The following ALPK2 variants were observed in gnomAD, a reference collection of about 807,000 sequenced individuals.
The protein encoded by ALPK2 is alpha-protein kinase 2.
A neutral mutation model predicts 163.1 loss-of-function variants in ALPK2; 127 were observed. The ratio of observed to expected loss-of-function variants is 0.78; its 90% CI spans 0.67 to 0.90. The LOEUF is 0.90. Among genes scored for constraint, ALPK2 ranks in the 40% least tolerant of loss-of-function variants. ALPK2 has a pLI of 0.00. For missense variants in ALPK2, 2,360 were observed against 2,589.6 expected (o/e 0.91, Z 1.92); for synonymous variants, 953 against 959.1 (o/e 0.99, Z 0.12).
chr18:58,501,539 C>T (rs970354623), intron 11 of ALPK2, among the ~76,000 whole-genome samples: 24 of 152,212 alleles, frequency 1.6e-4, no homozygotes, highest in Admixed American at 1.2e-3. Flanking sequence ...GAACCGTACA[C>T]ATACCAGAGC....
intron 4 of ALPK2, 76 bp from the exon 5 acceptor site, chr18:58,538,300 A>G: frequency 2.3e-6 from 3 of 1,297,710 alleles, no homozygotes; most frequent in Non-Finnish European, 3.2e-6. Context: ...CAATCCCAAG[A>G]GTGTTAATCC....
At chr18:58,532,051 A>G (rs1401860341) in intron 5 of ALPK2, among the ~76,000 whole-genome samples, 2 of 151,318 alleles carry the variant, frequency 1.3e-5, no homozygotes, top group Non-Finnish European at 2.9e-5. Flanking sequence ...GTCTCTTGTC[A>G]TCATCTGTGT....
At chr18:58,578,173 C>T (rs927368239) in intron 4 of ALPK2, 3 of 152,164 alleles carry the variant, frequency 2.0e-5, no homozygotes, top group African/African-American at 7.2e-5. Context: ...AGCTTTTTTT[C>T]TCTTAGCCTC....
chr18:58,578,632 G>A lies in ALPK2; in HGVS notation c.1962+182C>T, dbSNP rs147559043. On this transcript the variant is annotated intron_variant, in intron 4 of 12. Transcript: ENST00000361673. Reference sequence around the variant, plus strand: ...TTTTTTCAAAACCAGATTTCCTTCCGAGCAGCAGCAGCTGTCATGCACAAG... The same window carrying A: ...TTTTTTCAAAACCAGATTTCCTTCCAAGCAGCAGCAGCTGTCATGCACAAG... The A allele has an allele frequency of 1.4e-4, 78 of 559,716 alleles. 1 individual carries two copies. Among genetic ancestry groups the A allele is most frequent in the African/African-American group, 1.1e-3 (60 of 52,188 alleles). 34.7% of individuals were successfully genotyped at this position (559,716 alleles called of 1,614,324 possible). A position where few individuals can be genotyped will look rare whatever the true frequency, so the allele number is the denominator to read the frequency against.
intron 11 of ALPK2, among the ~76,000 whole-genome samples, chr18:58,502,166 ACACACACACACAC>A (rs1325481194): frequency 2.1e-5 from 3 of 145,434 alleles, no homozygotes; most frequent in Non-Finnish European, 3.0e-5. Context: ...ACACACACAC[ACACACACACACAC>A]AAAGAAAAAA....
chr18:58,530,350 T>C (rs1348905411), intron 5 of ALPK2, among the ~76,000 whole-genome samples: 1 of 152,022 alleles, frequency 6.6e-6, no homozygotes, highest in Non-Finnish European at 1.5e-5. Context: ...GGGAGCCAAG[T>C]GGATAATTGA....
Position 58,517,180 on chromosome 18 carries a change from A to G in ALPK2, c.5668T>C (p.Cys1890Arg). Residue 1890 changes from cysteine (C) to arginine (R), a missense_variant and splice_region_variant, in exon 9 of 13, where the codon TGT (cysteine) becomes CGT (arginine). By Grantham distance (180) the Cys-to-Arg change is radical (BLOSUM62 -3). Transcript: ENST00000361673. ...AGTTGGCTGAATTCAATCTCTTCACATCCTGAAACACAGCACAGCTTTGGT... is the reference window on the plus strand; with the variant it reads ...AGTTGGCTGAATTCAATCTCTTCACGTCCTGAAACACAGCACAGCTTTGGT... Reference protein sequence around the residue: ...QLSSRQDTKGCEEIEFSQLIF... With the variant: ...QLSSRQDTKGREEIEFSQLIF... 6.2e-7 allele frequency: 1 copy of G among 1,613,040 alleles called. No individual in the cohort carries two copies. Among genetic ancestry groups the G allele is most frequent in the Non-Finnish European group, 8.5e-7 (1 of 1,179,150 alleles).
intron 3 of ALPK2, among the ~76,000 whole-genome samples, chr18:58,581,955 A>T (rs1033218770): frequency 2.0e-5 from 3 of 152,162 alleles, no homozygotes; most frequent in Admixed American, 2.0e-4. Context: ...CCACAATCCT[A>T]TATGTCCTCA....
At chr18:58,502,245 C>T (rs549942087) in intron 11 of ALPK2, among the ~76,000 whole-genome samples, 2 of 151,676 alleles carry the variant, frequency 1.3e-5, no homozygotes, top group East Asian at 3.9e-4. Flanking sequence ...GTCCCAGCTA[C>T]ATGGCAGGAT....
chr18:58,500,898 C>T (rs1259086966), intron 11 of ALPK2, among the ~76,000 whole-genome samples: 1 of 152,170 alleles, frequency 6.6e-6, no homozygotes, highest in Non-Finnish European at 1.5e-5. Context: ...ATCACAGGCT[C>T]ATCTTTTACC....
intron 3 of ALPK2, 148 bp from the exon 4 acceptor site, chr18:58,580,696 A>C: frequency 1.3e-6 from 1 of 775,118 alleles, no homozygotes; most frequent in Non-Finnish European, 2.0e-6. Flanking sequence ...TTTGTGGCCA[A>C]AGGCAACTGA....
At chr18:58,603,049 C>T (rs2052079212) in intron 3 of ALPK2, among the ~76,000 whole-genome samples, 1 of 152,218 alleles carries the variant, frequency 6.6e-6, no homozygotes, top group South Asian at 2.1e-4. Flanking sequence ...CATAAATTAT[C>T]CAATTCTTGT....
intron 1 of ALPK2, among the ~76,000 whole-genome samples, chr18:58,621,810 G>A (rs1905896856): frequency 6.6e-6 from 1 of 152,106 alleles, no homozygotes; most frequent in African/African-American, 2.4e-5. Context: ...ACAAGTAAAA[G>A]CTAACTTTTC....
At chr18:58,596,816 C>T (rs890346242) in intron 3 of ALPK2, among the ~76,000 whole-genome samples, 16 of 147,506 alleles carry the variant, frequency 1.1e-4, no homozygotes, top group African/African-American at 3.8e-4. Context: ...TCCCACAAAT[C>T]TTTTGTTTGT....
At chr18:58,626,409 C>T (rs2052230935) in intron 1 of ALPK2, among the ~76,000 whole-genome samples, 1 of 152,174 alleles carries the variant, frequency 6.6e-6, no homozygotes, top group African/African-American at 2.4e-5. Flanking sequence ...TGCTCTGCTC[C>T]TCCAAAGGCT....
At chr18:58,512,586 G>T (rs1203541761) in intron 10 of ALPK2, among the ~76,000 whole-genome samples, 3 of 151,982 alleles carry the variant, frequency 2.0e-5, no homozygotes, top group African/African-American at 7.3e-5. Context: ...CTCTGTGTGC[G>T]TGTGTTGTGT....
intron 4 of ALPK2, among the ~76,000 whole-genome samples, chr18:58,567,071 C>T (rs1372077358): frequency 6.7e-6 from 1 of 150,214 alleles, no homozygotes; most frequent in African/African-American, 2.5e-5. Context: ...ATTTCTCAGA[C>T]AGCATATTAA....
Position 58,537,242 on chromosome 18 carries a change from A to G in ALPK2, c.2945T>C (p.Val982Ala). ...TATPASYSSI[V>A]SFPWEKPTTL... is the part of the protein sequence containing the mutation. ...TGTTGGCTTCTCCCAAGGAAAACTC[A>G]CAATTGAACTATAACTGGCTGGTGT... is the stretch of plus-strand genomic sequence containing the variant. The change falls in exon 5 of 13, where the codon GTG (valine) becomes GCG (alanine). Residue 982 changes from valine to alanine, a missense_variant. Physicochemically the swap from Val to Ala is moderately conservative, Grantham distance 64. Coordinates refer to ENST00000361673, the MANE Select transcript of ALPK2 (RefSeq NM_052947.4). The G allele has an allele frequency of 6.2e-7, 1 of 1,614,186 alleles. No homozygotes were observed. Among genetic ancestry groups the G allele is most frequent in the African/African-American group, 1.3e-5 (1 of 75,066 alleles).
intron 5 of ALPK2, among the ~76,000 whole-genome samples, chr18:58,531,068 G>C (rs2051611388): frequency 6.6e-6 from 1 of 152,060 alleles, no homozygotes; most frequent in African/African-American, 2.4e-5. Flanking sequence ...CAGTGCGCAT[G>C]CCTGTGGACC....
Sources: allele counts gnomAD v4.1 joint callset (sites outside exome capture counted in the v4.1 genomes callset), GRCh38; gene constraint gnomAD v4.1.1; transcripts MANE v1.5; gene names NCBI Gene and HGNC (gene_info 2026-07-23, HGNC 2026-07-21).